POSTN: variants seen among roughly 807,000 people sequenced by gnomAD.
POSTN encodes osteoblast specific factor 2 (fasciclin I-like).
A neutral mutation model predicts 104.5 loss-of-function variants in POSTN; 71 were observed. The observed-to-expected ratio is 0.68, with a 90% CI of 0.56 to 0.83. POSTN has a LOEUF of 0.83. Ranked by LOEUF, POSTN falls within the 40% of genes least tolerant of loss-of-function variation. The pLI is 0.00. For missense variants in POSTN, 949 were observed against 1,006.8 expected (o/e 0.94, Z 0.78); for synonymous variants, 355 against 340.7 (o/e 1.04, Z -0.46).
intron 17 of POSTN, among the ~76,000 whole-genome samples, chr13:37,571,857 T>C (rs1251833447): frequency 6.6e-6 from 1 of 151,626 alleles, no homozygotes; most frequent in African/African-American, 2.4e-5. Flanking sequence ...TGTCTATTAC[T>C]TTTTCCTTAT....
At chr13:37,590,772 G>A (rs1368928094) in intron 3 of POSTN, among the ~76,000 whole-genome samples, 1 of 151,866 alleles carries the variant, frequency 6.6e-6, no homozygotes, top group Admixed American at 6.6e-5. Context: ...CTGTCATCCT[G>A]GTTTAACATT....
chr13:37,574,731 T>G, intron 16 of POSTN, 79 bp from the exon 17 acceptor site: 1 of 1,454,228 alleles, frequency 6.9e-7, no homozygotes, highest in Non-Finnish European at 9.0e-7. Context: ...TTCCTTTTCT[T>G]TTTTGTCTCT....
intron 21 of POSTN, 88 bp from the exon 22 acceptor site, chr13:37,564,648 T>C (rs908280560): frequency 9.2e-6 from 6 of 650,384 alleles, no homozygotes; most frequent in Admixed American, 2.8e-5. Context: ...CAGTGTAAAG[T>C]CTTAAATAAG....
intron 8 of POSTN, 139 bp from the exon 9 acceptor site, chr13:37,584,242 C>A: frequency 9.5e-7 from 1 of 1,056,884 alleles, no homozygotes. Flanking sequence ...ACATCCTCCT[C>A]CTCCCTAATA....
intron 8 of POSTN, 68 bp downstream of exon 8, chr13:37,584,648 T>C: frequency 7.8e-7 from 1 of 1,287,894 alleles, no homozygotes; most frequent in Non-Finnish European, 1.1e-6. Flanking sequence ...ACTTACTCTT[T>C]GAGACAGCAT....
At chr13:37,582,985 AAGTC>A (rs1211664658) in intron 9 of POSTN, among the ~76,000 whole-genome samples, 8 of 152,342 alleles carry the variant, frequency 5.3e-5, no homozygotes, top group Middle Eastern at 3.4e-3. Context: ...ACAAAGAAGA[AAGTC>A]AGGATATCTA....
At chr13:37,594,647 C>T (rs1314373302) in intron 2 of POSTN, among the ~76,000 whole-genome samples, 3 of 152,002 alleles carry the variant, frequency 2.0e-5, no homozygotes, top group African/African-American at 7.2e-5. Context: ...GAGGAAGTTT[C>T]CAGAATACTA....
At chr13:37,569,264 C>T (rs1950195285) in intron 21 of POSTN, 36 bp downstream of exon 21, 2 of 1,482,154 alleles carry the variant, frequency 1.3e-6, no homozygotes, top group African/African-American at 2.8e-5. Context: ...GTCACTAGAA[C>T]CTGTTAAGGG....
At chr13:37,567,016 C>G (rs1392785811) in intron 21 of POSTN, among the ~76,000 whole-genome samples, 1 of 151,006 alleles carries the variant, frequency 6.6e-6, no homozygotes, top group African/African-American at 2.4e-5. Flanking sequence ...GCGGGCGGAT[C>G]ACGAGGTCAG....
intron 21 of POSTN, 101 bp from the exon 22 acceptor site, chr13:37,564,661 T>A: frequency 1.7e-6 from 1 of 582,922 alleles, no homozygotes; most frequent in East Asian, 3.0e-5. Context: ...TAAATAAGTA[T>A]CACTTAAACA....
At position 37,579,896 on chromosome 13, in the gene POSTN, T is replaced by G. The variant is rs754735864; in HGVS notation, c.1625A>C (p.Lys542Thr). 16 of 1,613,708 alleles carry G rather than the reference T, an allele frequency of 9.9e-6. No individual in the cohort carries two copies. The highest frequency in any genetic ancestry group is 1.4e-5 in the Non-Finnish European group (16 of 1,179,722). ...TLFVPTNDAF[K>T]GMTSEEKEIL... ...TTCTTTTTCTTCACTAGTCATTCCC[T>G]TAAAAGCATCATTGGTTGGCACAAA... is the stretch of plus-strand genomic sequence containing the variant. The change falls in exon 12 of 23, where the codon AAG (lysine) becomes ACG (threonine). Residue 542 changes from lysine (K) to threonine (T), a missense_variant. Transcript: ENST00000379747.
Position 37,569,353 on chromosome 13 carries a change from C to T in POSTN, c.2378G>A (p.Gly793Asp), listed in dbSNP as rs760393463. The change falls in exon 21 of 23, where the codon GGT becomes GAT. Residue 793 changes from glycine to aspartate, a missense_variant. Transcript: ENST00000379747. Reference protein sequence around the residue: ...EVTKVTKFIEGGDGHLFEDEE... With the variant: ...EVTKVTKFIEDGDGHLFEDEE... ...ATCTTCAAATAAATGACCATCACCA[C>T]CTTCAATGAATTTGGTGACCTTGGT... The T allele has an allele frequency of 3.7e-6, 6 of 1,612,702 alleles. No homozygotes were observed. The African/African-American group carries it at 6.7e-5, about 18-fold the overall frequency.
chr13:37,594,635 T>C (rs1447335092), intron 2 of POSTN, among the ~76,000 whole-genome samples: 1 of 152,168 alleles, frequency 6.6e-6, no homozygotes, highest in African/African-American at 2.4e-5. Flanking sequence ...AGACATTCTC[T>C]AGAGGAAGTT....
chr13:37,567,806 G>A (rs1426107498), intron 21 of POSTN, among the ~76,000 whole-genome samples: 1 of 151,992 alleles, frequency 6.6e-6, no homozygotes, highest in Non-Finnish European at 1.5e-5. Context: ...TGTTTTCTTG[G>A]CTGAAGCAAT....
intron 7 of POSTN, 73 bp from the exon 8 acceptor site, chr13:37,585,001 C>A: frequency 6.4e-7 from 1 of 1,562,050 alleles, no homozygotes; most frequent in Non-Finnish European, 8.6e-7. Flanking sequence ...AGATGTGTTT[C>A]ACTGTGGAAC....
At chr13:37,578,798 CAAAAAA>C (rs60857655) in intron 15 of POSTN, 40 bp downstream of exon 15, 137 of 1,129,544 alleles carry the variant, frequency 1.2e-4, no homozygotes, top group Admixed American at 5.0e-4. Context: ...GACTCCATCT[CAAAAAA>C]AAAAAAAAAA....
chr13:37,579,828 A>T (rs775746684), intron 12 of POSTN, 33 bp downstream of exon 12: 30 of 1,596,152 alleles, frequency 1.9e-5, no homozygotes, highest in Non-Finnish European at 2.3e-5. Context: ...CCTGAAATGA[A>T]AGGGAAAATA....
Position 37,594,143 on chromosome 13 carries a change from G to T in POSTN, c.219-1979C>A, listed in dbSNP as rs985932407. On this transcript the variant is annotated intron_variant, in intron 2 of 22. Coordinates refer to ENST00000379747, the MANE Select transcript of POSTN (RefSeq NM_006475.3). ...CTCTTGTAAATAAATCTAATTATTG[G>T]ATGTCAAAAGATTGATTAACAATTG... Among the ~76,000 whole-genome samples, 7 of 151,978 alleles carry T rather than the reference G, an allele frequency of 4.6e-5. No individual in the cohort carries two copies. In the South Asian group the frequency reaches 6.2e-4, roughly 14 times the overall value.
chr13:37,568,151 G>T (rs187303833), intron 21 of POSTN, among the ~76,000 whole-genome samples: 1 of 151,952 alleles, frequency 6.6e-6, no homozygotes, highest in Non-Finnish European at 1.5e-5. Context: ...CTTTGGTTCC[G>T]TTATGGCTCT....
Sources: gnomAD v4.1 joint callset for allele counts (sites outside exome capture counted in the v4.1 genomes callset) on GRCh38, gnomAD v4.1.1 for gene constraint, MANE v1.5 for transcripts, NCBI Gene and HGNC (gene_info 2026-07-23, HGNC 2026-07-21) for gene names.